The following SLC11A2 variants were observed in gnomAD, a reference collection of about 807,000 sequenced individuals.
SLC11A2 encodes natural resistance-associated macrophage protein 2.
In SLC11A2, 38 loss-of-function variants were observed where a neutral mutation model predicts 68.0. The ratio of observed to expected loss-of-function variants is 0.56; its 90% confidence interval spans 0.43 to 0.73. The LOEUF (loss-of-function observed/expected upper bound fraction) is 0.73. Ranked by LOEUF, SLC11A2 falls within the 30% of genes least tolerant of loss-of-function variation. The pLI, the probability that SLC11A2 is intolerant of heterozygous loss-of-function variation, is 0.00. For synonymous variants in SLC11A2, 242 were observed against 250.6 expected, an observed-to-expected ratio of 0.97 and a Z score of 0.32; for missense variants, 517 against 690.5, an observed-to-expected ratio of 0.75 and a Z score of 2.82.
the SLC11A2 span, among the ~76,000 whole-genome samples, chr12:50,967,036 C>T: frequency 8.4e-4 from 127 of 151,990 alleles, 1 homozygote; most frequent in Non-Finnish European, 8.8e-4. Flanking sequence ...ATCACTTGAA[C>T]CCAGGAGGCA....
downstream of SLC11A2, among the ~76,000 whole-genome samples, chr12:50,985,022 T>C (rs1940412761): frequency 6.6e-6 from 1 of 152,190 alleles, no homozygotes; most frequent in African/African-American, 2.4e-5. Context: ...AAGTTACTTT[T>C]GGCCTTCCAG....
At chr12:51,021,297 T>C (rs1944027412) in intron 1 of SLC11A2, among the ~76,000 whole-genome samples, 1 of 152,058 alleles carries the variant, frequency 6.6e-6, no homozygotes, top group African/African-American at 2.4e-5. Context: ...CTAGTAATAA[T>C]CTCAAAATTG....
intron 1 of SLC11A2, among the ~76,000 whole-genome samples, chr12:51,017,954 T>C (rs1943775405): frequency 6.6e-6 from 1 of 152,164 alleles, no homozygotes; most frequent in African/African-American, 2.4e-5. Context: ...TTTCTGCAAG[T>C]TTGAAATTAT....
rs1942577990 is a variant in SLC11A2 at position 51,004,780 on chromosome 12, T to C, written c.429+8A>G. 3 of 1,613,522 alleles carry C rather than the reference T, an allele frequency of 1.9e-6. No individual in the cohort carries two copies. The highest frequency in any genetic ancestry group is 1.7e-5 in the Admixed American group (1 of 59,958). ...GGTGAGAGACAAACAGGACAATACATTGCTCACCTTGGGATACTGACGGTG... is the reference window on the plus strand; with the variant it reads ...GGTGAGAGACAAACAGGACAATACACTGCTCACCTTGGGATACTGACGGTG... On this transcript the variant is annotated splice_region_variant and intron_variant, in intron 5 of 15. Coordinates refer to ENST00000262052, the MANE Select transcript of SLC11A2 (RefSeq NM_000617.3).
chr12:50,988,766 A>C (rs558172833), intron 15 of SLC11A2, among the ~76,000 whole-genome samples: 1 of 152,220 alleles, frequency 6.6e-6, no homozygotes, highest in African/African-American at 2.4e-5. Context: ...AGGCTGGAGT[A>C]TAGTGGTGCA....
upstream of SLC11A2, chr12:51,026,516 T>C (rs957140641): frequency 1.1e-5 from 5 of 449,780 alleles, no homozygotes; most frequent in African/African-American, 1.1e-4. Flanking sequence ...ACGCGGAGTC[T>C]GGATGCGGCG....
chr12:50,959,986 G>T, the SLC11A2 span, among the ~76,000 whole-genome samples: 1 of 152,104 alleles, frequency 6.6e-6, no homozygotes, highest in African/African-American at 2.4e-5. Flanking sequence ...TTTTGTCATG[G>T]ATTAAGTTCT....
chr12:50,964,012 T>C, the SLC11A2 span, among the ~76,000 whole-genome samples: 422 of 152,336 alleles, frequency 2.8e-3, 2 homozygotes, highest in African/African-American at 9.5e-3. Flanking sequence ...TCATACGTCT[T>C]TGGATGATGA....
In SLC11A2 at chr12:51,005,520, C is replaced by T. The variant is rs1330857183; in HGVS notation, c.184-84G>A. 9.4e-6 allele frequency: 15 copies of T among 1,592,538 alleles called. No individual in the cohort carries two copies. In the Admixed American group the frequency reaches 2.6e-4, roughly 27 times the overall value. On this transcript the variant is annotated intron_variant, in intron 3 of 15. Coordinates refer to ENST00000262052, the MANE Select transcript of SLC11A2 (RefSeq NM_000617.3). ...TGGTCTGTTATCACATATGAAGCAA[C>T]AAAATCCAGCCTCACAAGAAAAAAG...
chr12:51,017,824 A>C (rs564674347), intron 1 of SLC11A2, among the ~76,000 whole-genome samples: 19 of 152,228 alleles, frequency 1.2e-4, no homozygotes, highest in Middle Eastern at 3.4e-3. Flanking sequence ...CCTCTCAGGA[A>C]AGCATTCCTG....
chr12:51,018,517 G>A (rs1943820750), intron 1 of SLC11A2, among the ~76,000 whole-genome samples: 2 of 151,402 alleles, frequency 1.3e-5, no homozygotes, highest in Admixed American at 6.6e-5. Context: ...AGTTTGGGCC[G>A]AGTGCGGTGG....
chr12:51,019,426 G>T (rs1228705740), intron 1 of SLC11A2, among the ~76,000 whole-genome samples: 23 of 152,086 alleles, frequency 1.5e-4, no homozygotes. Flanking sequence ...CTTCATGAAG[G>T]TGGGCTCCTG....
chr12:50,952,620 A>G, the SLC11A2 span, among the ~76,000 whole-genome samples: 2,386 of 152,270 alleles, frequency 0.016, 31 homozygotes, highest in Non-Finnish European at 0.025. Flanking sequence ...AGGCGCAGGG[A>G]CTAGCCACAG....
At chr12:51,012,305 A>T (rs1307064774) in intron 1 of SLC11A2, among the ~76,000 whole-genome samples, 1 of 152,162 alleles carries the variant, frequency 6.6e-6, no homozygotes. Context: ...ACTTGGGAAC[A>T]GATCTATGGC....
chr12:51,009,214 G>A (rs1258827311), intron 2 of SLC11A2: 15 of 1,427,752 alleles, frequency 1.1e-5, no homozygotes, highest in African/African-American at 1.5e-5. Context: ...CTCTGAAGCT[G>A]CAGCAAAACC....
chr12:51,010,661 TA>T, intron 2 of SLC11A2, 33 bp downstream of exon 2: 1 of 1,221,132 alleles, frequency 8.2e-7, no homozygotes, highest in Non-Finnish European at 1.2e-6. Context: ...TAATTACAAA[TA>T]AAATTAGACA....
chr12:51,026,464 C>T (rs1555226196), upstream of SLC11A2: 1 of 773,440 alleles, frequency 1.3e-6, no homozygotes, highest in Non-Finnish European at 1.9e-6. Context: ...CCTGCAGCGG[C>T]CGGGATGCGT....
At position 51,005,541 on chromosome 12, in the gene SLC11A2, A is replaced by G; in HGVS notation, c.184-105T>C. 3 of 1,567,306 alleles carry G rather than the reference A, an allele frequency of 1.9e-6. No homozygotes were observed. The South Asian group carries it at 3.4e-5, about 18-fold the overall frequency. ...GCAACAAAATCCAGCCTCACAAGAA[A>G]AAAGGATTTACAATGTCAGATATTG... is the stretch of plus-strand genomic sequence containing the variant. On this transcript the variant is annotated intron_variant, in intron 3 of 15. Transcript: ENST00000262052.
rs224454 is a variant in SLC11A2 at position 50,999,333 on chromosome 12, C to T, written c.607+12G>A. On this transcript the variant is annotated intron_variant, in intron 7 of 15. Coordinates refer to ENST00000262052, the MANE Select transcript of SLC11A2 (RefSeq NM_000617.3). The stretch of plus-strand genomic sequence containing the variant: ...GCAGCTCCTTTGACCCTCCCATTCC[C>T]GCTCTCCTTACCATATTTGTCCAAG... 0.16 allele frequency: 262,462 copies of T among 1,610,946 alleles called. 24,269 individuals carry two copies. Among genetic ancestry groups the T allele is most frequent in the East Asian group, 0.45 (20,036 of 44,850 alleles).
Sources: allele counts gnomAD v4.1 joint callset (sites outside exome capture counted in the v4.1 genomes callset), GRCh38; gene constraint gnomAD v4.1.1; transcripts MANE v1.5; gene names NCBI Gene and HGNC (gene_info 2026-07-23, HGNC 2026-07-21).